The following SH3PXD2B variants were observed in gnomAD, a reference collection of about 807,000 sequenced individuals.
SH3PXD2B encodes the protein SH3 and PX domains 2B.
A neutral mutation model predicts 73.1 loss-of-function variants in SH3PXD2B; 37 were observed. That is an observed-to-expected ratio of 0.51 (90% CI 0.39 to 0.67). The LOEUF (loss-of-function observed/expected upper bound fraction) is 0.67. Among genes scored for constraint, SH3PXD2B ranks in the 30% least tolerant of loss-of-function variants. The pLI is 0.00. For synonymous variants in SH3PXD2B, 457 were observed against 480.5 expected, an observed-to-expected ratio of 0.95 and a Z score of 0.64; for missense variants, 1,053 against 1,197.8, an observed-to-expected ratio of 0.88 and a Z score of 1.78.
chr5:172,391,100 C>G (rs1758181461), intron 4 of SH3PXD2B, among the ~76,000 whole-genome samples: 1 of 152,102 alleles, frequency 6.6e-6, no homozygotes, highest in South Asian at 2.1e-4. Flanking sequence ...CTCAGCCTCC[C>G]AAAGTACTGG....
Position 172,362,886 on chromosome 5 carries a change from G to T in SH3PXD2B, c.428-17C>A. 1.2e-6 allele frequency: 2 copies of T among 1,613,996 alleles called. No homozygotes were observed. Among genetic ancestry groups the T allele is most frequent in the Non-Finnish European group, 1.7e-6 (2 of 1,180,038 alleles). Reference sequence around the variant, plus strand: ...GGTCACCCCCTGTGGATAGGAAACAGACATGACATCTGGCCACCACTCATG... The same window carrying T: ...GGTCACCCCCTGTGGATAGGAAACATACATGACATCTGGCCACCACTCATG... On this transcript the variant is annotated splice_polypyrimidine_tract_variant and intron_variant, in intron 6 of 12. Coordinates refer to ENST00000311601, the MANE Select transcript of SH3PXD2B (RefSeq NM_001017995.3).
intron 12 of SH3PXD2B, chr5:172,325,445 G>T: frequency 9.0e-7 from 1 of 1,106,418 alleles, no homozygotes; most frequent in Non-Finnish European, 1.3e-6. Flanking sequence ...GACTAACGTG[G>T]CCTGGGACTT....
chr5:172,440,193 C>T (rs1375251426), intron 1 of SH3PXD2B, among the ~76,000 whole-genome samples: 11 of 152,194 alleles, frequency 7.2e-5, no homozygotes, highest in Admixed American at 2.0e-4. Flanking sequence ...TGAATGGAGC[C>T]GCCAACAAGA....
intron 4 of SH3PXD2B, among the ~76,000 whole-genome samples, chr5:172,390,449 A>G (rs1241079996): frequency 6.6e-6 from 1 of 152,212 alleles, no homozygotes; most frequent in African/African-American, 2.4e-5. Context: ...CAGTAGCACT[A>G]TCAAGGCTCA....
intron 5 of SH3PXD2B, among the ~76,000 whole-genome samples, chr5:172,374,327 T>C (rs1757775679): frequency 1.3e-5 from 2 of 152,204 alleles, no homozygotes; most frequent in African/African-American, 4.8e-5. Context: ...TGGGCTAGAA[T>C]TCACAGGGAA....
chr5:172,422,940 G>C (rs575306499), intron 1 of SH3PXD2B, among the ~76,000 whole-genome samples: 1 of 152,290 alleles, frequency 6.6e-6, no homozygotes, highest in South Asian at 2.1e-4. Flanking sequence ...CTCCACCGAC[G>C]AGGACCTAGG....
intron 8 of SH3PXD2B, among the ~76,000 whole-genome samples, chr5:172,356,291 CA>C (rs1054876952): frequency 2.6e-5 from 4 of 152,264 alleles, no homozygotes; most frequent in African/African-American, 9.6e-5. Context: ...ATGACAGTTT[CA>C]AACCCCCAGA....
chr5:172,431,968 G>C (rs1333177908), intron 1 of SH3PXD2B, among the ~76,000 whole-genome samples: 1 of 152,134 alleles, frequency 6.6e-6, no homozygotes, highest in East Asian at 1.9e-4. Flanking sequence ...CCTGAGGTCA[G>C]GGGTTCGAGA....
chr5:172,341,403 C>G (rs778422934), intron 12 of SH3PXD2B, among the ~76,000 whole-genome samples: 2 of 152,240 alleles, frequency 1.3e-5, no homozygotes, highest in Middle Eastern at 3.4e-3. Flanking sequence ...GCTTGGTGTC[C>G]TTCCCTTGGT....
intron 1 of SH3PXD2B, among the ~76,000 whole-genome samples, chr5:172,448,257 C>A (rs906730007): frequency 2.0e-5 from 3 of 152,222 alleles, no homozygotes; most frequent in African/African-American, 7.2e-5. Context: ...GCATAGTGTG[C>A]CTTCTGGGCA....
intron 1 of SH3PXD2B, among the ~76,000 whole-genome samples, chr5:172,446,432 C>T (rs1759662482): frequency 6.6e-6 from 1 of 152,202 alleles, no homozygotes; most frequent in African/African-American, 2.4e-5. Flanking sequence ...TGCAGGGACC[C>T]ACAGCTGGCT....
At position 172,347,334 on chromosome 5, in the gene SH3PXD2B, T is replaced by C; in HGVS notation, c.1013-2A>G. 6.2e-7 allele frequency: 1 copy of C among 1,614,014 alleles called. No individual in the cohort carries two copies. The highest frequency in any genetic ancestry group is 8.5e-7 in the Non-Finnish European group (1 of 1,179,966). ...GTCTCTGCCTCATCTTTGGTGATCC[T>C]ATGGAGAAATGAGAGCTTATTACAT... On this transcript the variant is annotated splice_acceptor_variant, in intron 10 of 12. Coordinates refer to ENST00000311601, the MANE Select transcript of SH3PXD2B (RefSeq NM_001017995.3). LOFTEE classifies it high-confidence loss of function.
At chr5:172,422,778 C>T (rs982096546) in intron 1 of SH3PXD2B, among the ~76,000 whole-genome samples, 2 of 152,164 alleles carry the variant, frequency 1.3e-5, no homozygotes, top group African/African-American at 4.8e-5. Context: ...TTCGGCATTG[C>T]CAGGATTCCT....
chr5:172,429,424 T>C (rs1190203097), intron 1 of SH3PXD2B, among the ~76,000 whole-genome samples: 1 of 152,208 alleles, frequency 6.6e-6, no homozygotes, highest in African/African-American at 2.4e-5. Context: ...GGTTTTCTTC[T>C]GTTCCCAGAC....
At chr5:172,329,010 T>C (rs1280426023), downstream of SH3PXD2B, among the ~76,000 whole-genome samples, 1 of 125,972 alleles carries the variant, frequency 7.9e-6, no homozygotes, top group Non-Finnish European at 1.7e-5. Context: ...GATACACACA[T>C]ATATATACAT....
In SH3PXD2B at chr5:172,445,137, C is replaced by T. The variant is rs1183209021; in HGVS notation, c.75+9141G>A. Among the ~76,000 whole-genome samples, 7 of 152,232 alleles carry T rather than the reference C, an allele frequency of 4.6e-5. No individual in the cohort carries two copies. Among genetic ancestry groups the T allele is most frequent in the Non-Finnish European group, 8.8e-5 (6 of 68,040 alleles). On this transcript the variant is annotated intron_variant, in intron 1 of 12. Transcript: ENST00000311601. This position sits in a 1 kb window ranked among gnomAD's most constrained non-coding sequence, Gnocchi z 5.2. ...CCTCAGGTCACCTCTGCAGTGCTGC[C>T]TTCCCCAGGACCAGGTCCCCCAGAA...
chr5:172,443,068 G>A (rs1429465044), intron 1 of SH3PXD2B, among the ~76,000 whole-genome samples: 1 of 152,122 alleles, frequency 6.6e-6, no homozygotes, highest in Admixed American at 6.6e-5. Context: ...TAATGATACT[G>A]AATTATAGTT....
chr5:172,416,547 C>T (rs1758823813), intron 2 of SH3PXD2B, among the ~76,000 whole-genome samples: 2 of 150,884 alleles, frequency 1.3e-5, no homozygotes, highest in Middle Eastern at 3.6e-3. Context: ...AGGCTGGTAT[C>T]GAACTCCTGA....
At position 172,376,030 on chromosome 5, in the gene SH3PXD2B, C is replaced by CT. The variant is rs371476674; in HGVS notation, c.402-2216dup. 2.8e-3 allele frequency among the ~76,000 whole-genome samples: 386 copies of CT among 136,142 alleles called. 1 individual carries two copies. Among genetic ancestry groups the CT allele is most frequent in the African/African-American group, 4.5e-3 (160 of 35,702 alleles). The allele number at this position is 136,142 out of a possible 152,430, so 89.3% of individuals were successfully genotyped here. ...CTTGACAATACTTGTCATGTATCTT[C>CT]TTTTTTTTTTTTTTTTTGAGGTGGA... is the stretch of plus-strand genomic sequence containing the variant. On this transcript the variant is annotated intron_variant, in intron 5 of 12. Coordinates refer to ENST00000311601, the MANE Select transcript of SH3PXD2B (RefSeq NM_001017995.3).
Sources: allele counts gnomAD v4.1 joint callset (sites outside exome capture counted in the v4.1 genomes callset), GRCh38; gene constraint gnomAD v4.1.1; non-coding constraint Gnocchi (gnomAD v3.1); transcripts MANE v1.5; gene names NCBI Gene and HGNC (gene_info 2026-07-23, HGNC 2026-07-21).